The following ATP2B2 variants were observed in gnomAD, a reference collection of about 807,000 sequenced individuals.
ATP2B2 encodes the protein plasma membrane calcium-transporting ATPase 2.
ATP2B2 carries 15 observed loss-of-function variants against 120.0 expected under a neutral mutation model. The ratio of observed to expected loss-of-function variants is 0.12; its 90% CI spans 0.08 to 0.19. The LOEUF is 0.19. Ranked by LOEUF, ATP2B2 falls within the 10% of genes least tolerant of loss-of-function variation. The pLI is 1.00. For synonymous variants in ATP2B2, 694 were observed against 700.3 expected (o/e 0.99, Z 0.14); for missense variants, 1,045 against 1,719.8 (o/e 0.61, Z 6.94).
intron 1 of ATP2B2, among the ~76,000 whole-genome samples, chr3:10,489,676 C>A (rs575711788): frequency 6.6e-6 from 1 of 152,270 alleles, no homozygotes; most frequent in Non-Finnish European, 1.5e-5. Context: ...GTCCCAAAGC[C>A]CTGTCAGCCC....
rs1194999305 is a variant in ATP2B2 at position 10,343,548 on chromosome 3, C to T, written c.2704-583G>A. Among the ~76,000 whole-genome samples, 1 of 152,120 alleles carries T rather than the reference C, an allele frequency of 6.6e-6. No homozygotes were observed. The highest frequency in any genetic ancestry group is 1.5e-5 in the Non-Finnish European group (1 of 68,012). On this transcript the variant is annotated intron_variant, in intron 18 of 22. Transcript: ENST00000360273. This position sits in a 1 kb window ranked among gnomAD's most constrained non-coding sequence, Gnocchi z 4.2. ...CAACTAAAACTGTCAAGGACCTCAC[C>T]ACTTTTAGGTCACCACTGTCCAGGT...
intron 2 of ATP2B2, among the ~76,000 whole-genome samples, chr3:10,552,032 A>C (rs918735688): frequency 6.6e-6 from 1 of 152,242 alleles, no homozygotes; most frequent in Non-Finnish European, 1.5e-5. Context: ...CTGATTCCGA[A>C]CAATGTCAAA....
chr3:10,531,099 A>G (rs1004595613), intron 3 of ATP2B2, among the ~76,000 whole-genome samples: 11 of 152,174 alleles, frequency 7.2e-5, no homozygotes, highest in Admixed American at 4.6e-4. Flanking sequence ...TTGTGGTTGG[A>G]ACATCTTGGC....
rs772373957 is a variant in ATP2B2, at chr3:10,673,993, T to TAA, written c.-460+33920_-460+33921dup. Among the ~76,000 whole-genome samples, 636 of 140,950 alleles carry TAA rather than the reference T, an allele frequency of 4.5e-3. 3 individuals are homozygous for TAA. Among genetic ancestry groups the TAA allele is most frequent in the African/African-American group, 0.016 (601 of 38,502 alleles). The allele number at this position is 140,950 out of a possible 152,430, so 92.5% of individuals were successfully genotyped here. ...TTCCATAATAAGAAAAGTGGTTTTA[T>TAA]AAAAAAAAAAAAGAAGCCAATATTA... On this transcript the variant is annotated intron_variant, in intron 1 of 21. Transcript: ENST00000646379.
intron 1 of ATP2B2, among the ~76,000 whole-genome samples, chr3:10,687,931 AAATAAT>A (rs745503368): frequency 6.6e-6 from 1 of 152,204 alleles, no homozygotes; most frequent in Admixed American, 6.5e-5. Context: ...GTGACCTTAG[AAATAAT>A]AATAATAACA....
chr3:10,630,121 A>T (rs1399350515), intron 1 of ATP2B2, among the ~76,000 whole-genome samples: 1 of 151,786 alleles, frequency 6.6e-6, no homozygotes, highest in Non-Finnish European at 1.5e-5. Flanking sequence ...CAACAGTTAA[A>T]CACGGCCACC....
At chr3:10,670,621 A>G (rs1201728202) in intron 1 of ATP2B2, among the ~76,000 whole-genome samples, 6 of 152,034 alleles carry the variant, frequency 3.9e-5, no homozygotes, top group Admixed American at 1.3e-4. Context: ...GGTTTCCACT[A>G]TGTTGGTCAG....
chr3:10,356,261 G>C (rs2060729133), intron 14 of ATP2B2, among the ~76,000 whole-genome samples: 1 of 151,968 alleles, frequency 6.6e-6, no homozygotes, highest in Non-Finnish European at 1.5e-5. Context: ...GCCACTTTGG[G>C]CACATCACTG....
chr3:10,337,890 C>T (rs954392168), intron 22 of ATP2B2, among the ~76,000 whole-genome samples: 2 of 152,188 alleles, frequency 1.3e-5, no homozygotes, highest in African/African-American at 4.8e-5. Flanking sequence ...CCCTTCCCCA[C>T]CCTCTCAGGG....
intron 5 of ATP2B2, among the ~76,000 whole-genome samples, chr3:10,388,723 G>A (rs1458822955): frequency 6.6e-6 from 1 of 152,198 alleles, no homozygotes; most frequent in East Asian, 1.9e-4. Flanking sequence ...CACCCTTACA[G>A]ATGTAGACAT....
chr3:10,569,001 T>A (rs1559463211), intron 2 of ATP2B2, among the ~76,000 whole-genome samples: 2 of 152,240 alleles, frequency 1.3e-5, no homozygotes, highest in South Asian at 4.1e-4. Flanking sequence ...TGCTGCTATA[T>A]GCAGACTCTT....
At position 10,552,138 on chromosome 3, in the gene ATP2B2, A is replaced by G. The variant is rs55862913; in HGVS notation, c.-414-18005T>C. Reference sequence around the variant, plus strand: ...GCATTTCTGCAGCCGGAGAGGGAACACCCTTCCCACGGCCGCCGCCTCGGT... The same window carrying G: ...GCATTTCTGCAGCCGGAGAGGGAACGCCCTTCCCACGGCCGCCGCCTCGGT... On this transcript the variant is annotated intron_variant, in intron 2 of 21. Transcript: ENST00000646379. 1.7e-3 allele frequency among the ~76,000 whole-genome samples: 253 copies of G among 152,242 alleles called. 3 individuals carry two copies. The highest frequency in any genetic ancestry group is 6.0e-3 in the Admixed American group (91 of 15,288).
chr3:10,688,002 T>G (rs192013140), intron 1 of ATP2B2, among the ~76,000 whole-genome samples: 100 of 152,328 alleles, frequency 6.6e-4, no homozygotes, highest in African/African-American at 2.2e-3. Flanking sequence ...GTTTTGATAT[T>G]ATATATATAA....
intron 22 of ATP2B2, chr3:10,332,105 C>G (rs774027583): frequency 9.2e-5 from 129 of 1,395,946 alleles, no homozygotes; most frequent in Non-Finnish European, 1.2e-4. Flanking sequence ...CAAAGCAAGC[C>G]ATTTTCTCGC....
chr3:10,669,441 C>G (rs907103530), intron 1 of ATP2B2, among the ~76,000 whole-genome samples: 2 of 152,158 alleles, frequency 1.3e-5, no homozygotes, highest in Non-Finnish European at 2.9e-5. Flanking sequence ...CTCCTCACCT[C>G]CCAGCTCCTC....
intron 13 of ATP2B2, among the ~76,000 whole-genome samples, chr3:10,359,330 A>G (rs755658547): frequency 5.9e-5 from 9 of 152,122 alleles, no homozygotes; most frequent in Admixed American, 5.2e-4. Context: ...CCAGGAATCA[A>G]TGTTTTTTTA....
chr3:10,330,255 A>T (rs1011727244), intron 22 of ATP2B2: 1 of 154,768 alleles, frequency 6.5e-6, no homozygotes, highest in Non-Finnish European at 1.5e-5. Context: ...AGGCTAGTGG[A>T]AAGAGCACTG....
At chr3:10,644,979 T>C (rs1407674610) in intron 1 of ATP2B2, among the ~76,000 whole-genome samples, 1 of 152,214 alleles carries the variant, frequency 6.6e-6, no homozygotes, top group Non-Finnish European at 1.5e-5. Flanking sequence ...TACAGTTATA[T>C]AAGAGAATTC....
In ATP2B2 at chr3:10,343,929, C is replaced by T. The variant is rs2060356035; in HGVS notation, c.2704-964G>A. Among the ~76,000 whole-genome samples, 1 of 152,076 alleles carries T rather than the reference C, an allele frequency of 6.6e-6. No homozygotes were observed. Among genetic ancestry groups the T allele is most frequent in the African/African-American group, 2.4e-5 (1 of 41,386 alleles). ...TCTAGTGGCCTGTGGAACACCTCCT[C>T]CAGGAAGCCCCCAGACCCTGTAAGC... is the stretch of plus-strand genomic sequence containing the variant. On this transcript the variant is annotated intron_variant, in intron 18 of 22. Transcript: ENST00000360273. The surrounding 1 kb of genome is among the most constrained non-coding windows in gnomAD (Gnocchi z 4.2).
Sources: allele counts gnomAD v4.1 joint callset (sites outside exome capture counted in the v4.1 genomes callset), GRCh38; gene constraint gnomAD v4.1.1; non-coding constraint Gnocchi (gnomAD v3.1); transcripts MANE v1.5; gene names NCBI Gene and HGNC (gene_info 2026-07-23, HGNC 2026-07-21).